Variants in PTCH1 observed in about 807,000 individuals in gnomAD.
PTCH1 encodes protein patched homolog 1.
PTCH1 carries 14 observed loss-of-function variants against 144.6 expected under a neutral mutation model. The ratio of observed to expected loss-of-function variants is 0.10; its 90% CI spans 0.06 to 0.15. The LOEUF (loss-of-function observed/expected upper bound fraction) is 0.15. PTCH1 is among the 10% of genes least tolerant of loss of function. The pLI is 1.00. For synonymous variants in PTCH1, 833 were observed against 793.6 expected (o/e 1.05, Z -0.83); for missense variants, 1,623 against 1,948.3 (o/e 0.83, Z 3.14).
At chr9:95,511,271 C>T (rs1373990991), upstream of PTCH1, among the ~76,000 whole-genome samples, 1 of 151,902 alleles carries the variant, frequency 6.6e-6, no homozygotes, top group African/African-American at 2.4e-5. Context: ...CGCTTCCTTC[C>T]TTCGGCCTGC....
At chr9:95,491,120 A>G (rs892071916) in intron 2 of PTCH1, among the ~76,000 whole-genome samples, 2 of 152,188 alleles carry the variant, frequency 1.3e-5, no homozygotes, top group African/African-American at 4.8e-5. Context: ...AAGAAAAATC[A>G]TTATCTCAGG....
In PTCH1 at chr9:95,461,723, T is replaced by C. The variant is rs1777735067; in HGVS notation, c.2703+133A>G. On this transcript the variant is annotated intron_variant, in intron 16 of 23. Coordinates refer to ENST00000331920, the MANE Select transcript of PTCH1 (RefSeq NM_000264.5). ...GGAGGTGAATTAGAGTCACCCAATA[T>C]TCTTTCTACCAGCTCCCAGTGCCTT... 2.3e-6 allele frequency: 3 copies of C among 1,284,092 alleles called. No individual in the cohort carries two copies. The African/African-American group carries it at 4.5e-5, about 19-fold the overall frequency. 79.5% of individuals were successfully genotyped at this position (1,284,092 alleles called of 1,614,324 possible).
At chr9:95,493,555 C>G (rs983102086) in intron 2 of PTCH1, among the ~76,000 whole-genome samples, 28 of 152,178 alleles carry the variant, frequency 1.8e-4, no homozygotes, top group African/African-American at 6.5e-4. Flanking sequence ...ACCCTTTCAG[C>G]CTGAAAAGTA....
intron 15 of PTCH1, among the ~76,000 whole-genome samples, chr9:95,462,456 T>A (rs1346145969): frequency 6.6e-6 from 1 of 152,158 alleles, no homozygotes; most frequent in Non-Finnish European, 1.5e-5. Context: ...GCAGCTCAGC[T>A]GCTTCTGGAG....
chr9:95,478,267 C>T (rs1203821184), intron 8 of PTCH1, 81 bp from the exon 9 acceptor site: 2 of 1,587,202 alleles, frequency 1.3e-6, no homozygotes, highest in African/African-American at 1.3e-5. Flanking sequence ...TCAGGTGACA[C>T]AGCGCAGCCC....
At position 95,479,830 on chromosome 9, in the gene PTCH1, A is replaced by G. The variant is rs2274694; in HGVS notation, c.1067+139T>C. The G allele has an allele frequency of 0.23, 316,956 of 1,400,614 alleles. 37,623 individuals are homozygous for G. Among genetic ancestry groups the G allele is most frequent in the African/African-American group, 0.24 (17,049 of 70,282 alleles). The allele number at this position is 1,400,614 out of a possible 1,614,324, so 86.8% of individuals were successfully genotyped here. A position where few individuals can be genotyped will look rare whatever the true frequency, so the allele number is the denominator to read the frequency against. Reference sequence around the variant, plus strand: ...TTGCAGTCTGCTACTATTTCTTAATATTCTATGACGCCACCTGGCTAGCGA... The same window carrying G: ...TTGCAGTCTGCTACTATTTCTTAATGTTCTATGACGCCACCTGGCTAGCGA... On this transcript the variant is annotated intron_variant, in intron 7 of 23. Coordinates refer to ENST00000331920, the MANE Select transcript of PTCH1 (RefSeq NM_000264.5).
chr9:95,462,636 G>A (rs187820739), intron 15 of PTCH1, among the ~76,000 whole-genome samples: 3 of 152,324 alleles, frequency 2.0e-5, no homozygotes, highest in Non-Finnish European at 2.9e-5. Context: ...AGGGGGTGGA[G>A]GAGAAGGAAG....
At chr9:95,475,294 G>A (rs2118229156) in intron 12 of PTCH1, among the ~76,000 whole-genome samples, 1 of 152,316 alleles carries the variant, frequency 6.6e-6, no homozygotes, top group Non-Finnish European at 1.5e-5. Context: ...CTCTGGGGGT[G>A]ACGGGGCCTG....
At chr9:95,480,706 T>C in intron 5 of PTCH1, 118 bp from the exon 6 acceptor site, 1 of 997,044 alleles carries the variant, frequency 1.0e-6, no homozygotes, top group South Asian at 1.4e-5. Context: ...GCTGCAGTTC[T>C]GGGACTCTGG....
At chr9:95,511,230 C>T (rs148229241), upstream of PTCH1, among the ~76,000 whole-genome samples, 1,040 of 151,580 alleles carry the variant, frequency 6.9e-3, 16 homozygotes, top group African/African-American at 0.024. Context: ...CTCCCCGCCC[C>T]CTTCCTTCCT....
intron 5 of PTCH1, 27 bp downstream of exon 5, chr9:95,481,922 C>T (rs754669158): frequency 1.3e-6 from 2 of 1,559,926 alleles, no homozygotes; most frequent in East Asian, 4.5e-5. Flanking sequence ...AAGTCACAGA[C>T]ATCAGAAAGC....
intron 1 of PTCH1, 156 bp from the exon 2 acceptor site, chr9:95,506,755 G>T: frequency 9.4e-7 from 1 of 1,060,132 alleles, no homozygotes; most frequent in Non-Finnish European, 1.2e-6. Context: ...AGCCCCGGCG[G>T]ATCTGAGCGT....
At chr9:95,515,534 G>A (rs1224898236) in intron 1 of PTCH1, among the ~76,000 whole-genome samples, 3 of 152,182 alleles carry the variant, frequency 2.0e-5, no homozygotes, top group African/African-American at 7.2e-5. Flanking sequence ...AAACATGAAC[G>A]TACTAAATAC....
intron 14 of PTCH1, 119 bp downstream of exon 14, chr9:95,468,632 C>T (rs534541430): frequency 2.9e-6 from 4 of 1,403,034 alleles, no homozygotes; most frequent in African/African-American, 1.6e-5. Context: ...ATGTATCATA[C>T]TTAAACGAAA....
chr9:95,510,651 GGGAC>G (rs1844102848), upstream of PTCH1, among the ~76,000 whole-genome samples: 1 of 151,928 alleles, frequency 6.6e-6, no homozygotes, highest in Non-Finnish European at 1.5e-5. Context: ...GAACTGCAGA[GGGAC>G]TGGCAGTAGC....
chr9:95,464,439 C>T (rs1272256662), intron 15 of PTCH1, among the ~76,000 whole-genome samples: 1 of 152,084 alleles, frequency 6.6e-6, no homozygotes, highest in Admixed American at 6.6e-5. Flanking sequence ...TATTTTGTGT[C>T]AATAATTATT....
intron 13 of PTCH1, among the ~76,000 whole-genome samples, chr9:95,469,386 C>G (rs978162251): frequency 6.6e-6 from 1 of 152,160 alleles, no homozygotes; most frequent in Non-Finnish European, 1.5e-5. Flanking sequence ...AGGACTGATC[C>G]TAAATTTGGC....
Position 95,447,080 on chromosome 9 carries a change from G to T in PTCH1, c.4176C>A (p.Asn1392Lys). The T allele has an allele frequency of 6.2e-7, 1 of 1,613,990 alleles. No homozygotes were observed. The highest frequency in any genetic ancestry group is 8.5e-7 in the Non-Finnish European group (1 of 1,180,026). Residue 1392 changes from asparagine (N) to lysine (K), a missense_variant, in exon 23 of 24, where the codon AAC becomes AAA. Physicochemically the swap from Asn to Lys is moderately conservative, Grantham distance 94. Coordinates refer to ENST00000331920, the MANE Select transcript of PTCH1 (RefSeq NM_000264.5). ...AGCCTGGGCAGAGTCCCCCTCGGGGGTTCCGCCCAGGCCCAGGGACAGGCG... is the reference window on the plus strand; with the variant it reads ...AGCCTGGGCAGAGTCCCCCTCGGGGTTTCCGCCCAGGCCCAGGGACAGGCG... ...HPPPVPGPGRNPRGGLCPGYP... is the reference protein window; with the variant it reads ...HPPPVPGPGRKPRGGLCPGYP...
intron 12 of PTCH1, among the ~76,000 whole-genome samples, chr9:95,472,462 T>C (rs546346136): frequency 6.6e-5 from 10 of 152,126 alleles, no homozygotes; most frequent in Non-Finnish European, 1.2e-4. Flanking sequence ...GAAGAACAGG[T>C]AGGATTCTAA....
Sources: allele counts gnomAD v4.1 joint callset (sites outside exome capture counted in the v4.1 genomes callset), GRCh38; gene constraint gnomAD v4.1.1; transcripts MANE v1.5; gene names NCBI Gene and HGNC (gene_info 2026-07-23, HGNC 2026-07-21).